Variants in ACYP2 observed in about 807,000 individuals in gnomAD.
The protein encoded by ACYP2 is acylphosphatase-2.
Under a neutral mutation model 11.2 loss-of-function variants are expected in ACYP2, and 12 were observed. That is an observed-to-expected ratio of 1.08 (90% CI 0.69 to 1.74). The LOEUF is 1.74. Ranked by LOEUF, ACYP2 falls within the 40% of genes most tolerant of loss-of-function variation. The pLI, the probability that ACYP2 is intolerant of heterozygous loss-of-function variation, is 0.00. For synonymous variants in ACYP2, 43 were observed against 32.2 expected (o/e 1.33, Z -1.13); for missense variants, 134 against 101.9 (o/e 1.31, Z -1.35).
At chr2:54,102,378 T>G (rs959294342) in intron 4 of ACYP2, among the ~76,000 whole-genome samples, 3 of 152,168 alleles carry the variant, frequency 2.0e-5, no homozygotes, top group Admixed American at 2.0e-4. Flanking sequence ...TATTGCCTCA[T>G]GCATCTGGGT....
chr2:54,219,197 G>A (rs939440039), intron 6 of ACYP2, among the ~76,000 whole-genome samples: 6 of 152,188 alleles, frequency 3.9e-5, no homozygotes, highest in Non-Finnish European at 7.3e-5. Flanking sequence ...AGATGGAGTT[G>A]ACTAGAAAAT....
intron 6 of ACYP2, among the ~76,000 whole-genome samples, chr2:54,206,652 A>G (rs892815114): frequency 6.6e-6 from 1 of 152,216 alleles, no homozygotes; most frequent in Non-Finnish European, 1.5e-5. Context: ...CTTTAGCTCA[A>G]TCTAATCCTC....
intron 6 of ACYP2, among the ~76,000 whole-genome samples, chr2:54,293,106 G>A (rs1036633818): frequency 6.6e-6 from 1 of 152,128 alleles, no homozygotes; most frequent in Non-Finnish European, 1.5e-5. Context: ...CTGTGAGGGA[G>A]GCAGTATACT....
intron 6 of ACYP2, among the ~76,000 whole-genome samples, chr2:54,202,705 G>C (rs867251482): frequency 1.1e-5 from 1 of 94,982 alleles, no homozygotes; most frequent in Non-Finnish European, 2.0e-5. Flanking sequence ...ACGGCGCCTG[G>C]CTTTTTTTTT....
chr2:54,192,086 T>C (rs1365305325), intron 6 of ACYP2, among the ~76,000 whole-genome samples: 2 of 152,134 alleles, frequency 1.3e-5, no homozygotes, highest in Non-Finnish European at 2.9e-5. Flanking sequence ...ACTTAAGGAC[T>C]CCCAAATTTA....
chr2:54,304,546 A>G (rs2104178542), intron 6 of ACYP2, 142 bp from the exon 4 acceptor site: 1 of 578,506 alleles, frequency 1.7e-6, no homozygotes. Flanking sequence ...GATATATACA[A>G]TGTAAACAAA....
At chr2:54,069,000 C>T (rs1411550451) in intron 4 of ACYP2, among the ~76,000 whole-genome samples, 1 of 152,108 alleles carries the variant, frequency 6.6e-6, no homozygotes, top group Admixed American at 6.5e-5. Context: ...AATCACAGCT[C>T]ACTGTAGCTT....
intron 2 of ACYP2, among the ~76,000 whole-genome samples, chr2:53,993,680 G>A (rs1166580698): frequency 6.7e-6 from 1 of 150,046 alleles, no homozygotes; most frequent in Non-Finnish European, 1.5e-5. Flanking sequence ...CTGAGCGACA[G>A]AGTGAGGGAA....
At chr2:54,240,400 A>G (rs1277384392) in intron 6 of ACYP2, among the ~76,000 whole-genome samples, 2 of 152,186 alleles carry the variant, frequency 1.3e-5, no homozygotes, top group South Asian at 2.1e-4. Context: ...AAAAAAGAAA[A>G]TTCACTTTTT....
intron 6 of ACYP2, among the ~76,000 whole-genome samples, chr2:54,231,124 G>A (rs927865692): frequency 3.9e-5 from 6 of 152,064 alleles, no homozygotes; most frequent in African/African-American, 1.4e-4. Context: ...GAGCCACCGC[G>A]CCCGGCCAAA....
chr2:54,061,882 T>C (rs1472935997), intron 4 of ACYP2, among the ~76,000 whole-genome samples: 7 of 152,170 alleles, frequency 4.6e-5, no homozygotes, highest in Non-Finnish European at 1.0e-4. Flanking sequence ...GTGACTACCC[T>C]AGGCAACGTA....
intron 6 of ACYP2, among the ~76,000 whole-genome samples, chr2:54,186,312 G>C (rs1683992602): frequency 6.6e-6 from 1 of 152,150 alleles, no homozygotes; most frequent in Non-Finnish European, 1.5e-5. Flanking sequence ...GAAGTATATA[G>C]AGAAATAGCT....
At chr2:54,278,305 C>T (rs1688702267) in intron 6 of ACYP2, among the ~76,000 whole-genome samples, 1 of 152,178 alleles carries the variant, frequency 6.6e-6, no homozygotes, top group South Asian at 2.1e-4. Flanking sequence ...TAAACAATGC[C>T]AGGTTTTTCT....
intron 4 of ACYP2, among the ~76,000 whole-genome samples, chr2:54,076,512 G>T (rs894901434): frequency 3.9e-5 from 6 of 151,986 alleles, no homozygotes; most frequent in Non-Finnish European, 7.4e-5. Flanking sequence ...AATCTACCCA[G>T]ACAATAATGT....
intron 6 of ACYP2, among the ~76,000 whole-genome samples, chr2:54,195,715 G>C (rs1480919229): frequency 6.7e-6 from 1 of 148,572 alleles, no homozygotes; most frequent in African/African-American, 2.5e-5. Flanking sequence ...GTTATTCAGT[G>C]ACATGTGCTT....
intron 4 of ACYP2, among the ~76,000 whole-genome samples, chr2:54,072,355 G>C (rs1450604125): frequency 6.6e-6 from 1 of 151,852 alleles, no homozygotes. Flanking sequence ...ACCCAGGCTG[G>C]AGTGCAGTGG....
intron 3 of ACYP2, among the ~76,000 whole-genome samples, chr2:54,053,266 G>T (rs997607811): frequency 5.3e-5 from 8 of 152,200 alleles, no homozygotes; most frequent in Non-Finnish European, 4.4e-5. Context: ...GCATAGGCAT[G>T]CTGGGGGCCC....
At chr2:54,255,631 G>A (rs973521434) in intron 6 of ACYP2, 2 of 1,613,140 alleles carry the variant, frequency 1.2e-6, no homozygotes, top group Non-Finnish European at 1.7e-6. Flanking sequence ...GTTTTCTTCC[G>A]CCACGTCCAT....
chr2:54,298,914 G>A (rs937753044), intron 6 of ACYP2, among the ~76,000 whole-genome samples: 1 of 152,188 alleles, frequency 6.6e-6, no homozygotes, highest in African/African-American at 2.4e-5. Context: ...ACCATGCCCA[G>A]CTACTTTTTT....
Sources: gnomAD v4.1 joint callset for allele counts (sites outside exome capture counted in the v4.1 genomes callset) on GRCh38, gnomAD v4.1.1 for gene constraint, MANE v1.5 for transcripts, NCBI Gene and HGNC (gene_info 2026-07-23, HGNC 2026-07-21) for gene names.